The following GRM4 variants were observed in gnomAD, a reference collection of about 807,000 sequenced individuals.
GRM4 encodes the protein glutamate metabotropic receptor 4.
GRM4 carries 28 observed loss-of-function variants against 81.7 expected under a neutral mutation model. The observed-to-expected ratio is 0.34, with a 90% CI of 0.25 to 0.47. The LOEUF is 0.47. GRM4 is among the 20% of genes least tolerant of loss of function. GRM4 has a pLI of 1.00. For synonymous variants in GRM4, 488 were observed against 528.8 expected (o/e 0.92, Z 1.06); for missense variants, 948 against 1,290.0 (o/e 0.73, Z 4.06).
Position 34,090,495 on chromosome 6 carries a change from C to T in GRM4, c.736+1388G>A, listed in dbSNP as rs964120366. On this transcript the variant is annotated intron_variant, in intron 3 of 10. Coordinates refer to ENST00000538487, the MANE Select transcript of GRM4 (RefSeq NM_000841.4). The surrounding 1 kb of genome is among the most constrained non-coding windows in gnomAD (Gnocchi z 5.2). Reference sequence around the variant, plus strand: ...GGGGCTCGGAGGCTCTGACACTGTCCGCCAGGGTTCCCAGGTGCTATTGCC... The same window carrying T: ...GGGGCTCGGAGGCTCTGACACTGTCTGCCAGGGTTCCCAGGTGCTATTGCC... Among the ~76,000 whole-genome samples, 28 of 152,146 alleles carry T rather than the reference C, an allele frequency of 1.8e-4. No individual in the cohort carries two copies. Among genetic ancestry groups the T allele is most frequent in the Non-Finnish European group, 1.6e-4 (11 of 67,974 alleles).
At chr6:34,108,945 A>G (rs1221628136) in intron 2 of GRM4, among the ~76,000 whole-genome samples, 1 of 151,976 alleles carries the variant, frequency 6.6e-6, no homozygotes, top group Non-Finnish European at 1.5e-5. Flanking sequence ...CAGGGGACCC[A>G]CCTGTGATAG....
In GRM4 at chr6:34,036,021, CG is replaced by C; in HGVS notation, c.2088del (p.Ala697ProfsTer126). The stretch of plus-strand genomic sequence containing the variant: ...CTGAAGGTGATGGCCAGCTGTGAGG[CG>C]GGGCTGATGAAGCGTGGGGCACTGA... ...RSVSAPRFIS[P>X]ASQLAITFSL... On this transcript the variant is annotated frameshift_variant, in exon 9 of 11. Coordinates refer to ENST00000538487, the MANE Select transcript of GRM4 (RefSeq NM_000841.4). LOFTEE classifies it high-confidence loss of function. This position sits in a 1 kb window ranked among gnomAD's most constrained non-coding sequence, Gnocchi z 9.0. 6.2e-7 allele frequency: 1 copy of C among 1,613,990 alleles called. No individual in the cohort carries two copies. The highest frequency in any genetic ancestry group is 8.5e-7 in the Non-Finnish European group (1 of 1,179,946).
intron 3 of GRM4, among the ~76,000 whole-genome samples, chr6:34,066,907 T>C (rs1208719280): frequency 1.3e-5 from 2 of 152,066 alleles, no homozygotes; most frequent in Non-Finnish European, 2.9e-5. Flanking sequence ...CACCAGAGCC[T>C]CCTTGTGTTC....
chr6:34,037,421 T>C (rs1440400995), intron 8 of GRM4, among the ~76,000 whole-genome samples: 1 of 152,220 alleles, frequency 6.6e-6, no homozygotes, highest in Non-Finnish European at 1.5e-5. Flanking sequence ...GGGAGCTGTA[T>C]TCAAAGCGAC....
intron 3 of GRM4, among the ~76,000 whole-genome samples, chr6:34,066,219 G>A (rs756008744): frequency 2.0e-5 from 3 of 152,154 alleles, no homozygotes; most frequent in Non-Finnish European, 2.9e-5. Context: ...ACCCCGGCAC[G>A]TGGGCACAGG....
At position 34,042,532 on chromosome 6, in the gene GRM4, T is replaced by C. The variant is rs1319837543; in HGVS notation, c.1169-1784A>G. On this transcript the variant is annotated intron_variant, in intron 6 of 10. Transcript: ENST00000538487. The surrounding 1 kb of genome is among the most constrained non-coding windows in gnomAD (Gnocchi z 4.2). ...AAGACCACAGCCCTTGCATACAGCA[T>C]GGCCTTCTTCCTCAAGGACAGGACG... Among the ~76,000 whole-genome samples, 1 of 152,170 alleles carries C rather than the reference T, an allele frequency of 6.6e-6. No homozygotes were observed. The highest frequency in any genetic ancestry group is 2.4e-5 in the African/African-American group (1 of 41,430).
In GRM4 at chr6:34,125,802, G is replaced by C. The variant is rs530378693; in HGVS notation, c.519+7176C>G. ...CCCTTCCCAGGCTCTCACCACAGTG[G>C]GGGTTTGGGGGAAAGAGAGACTATC... On this transcript the variant is annotated intron_variant, in intron 2 of 10. Coordinates refer to ENST00000538487, the MANE Select transcript of GRM4 (RefSeq NM_000841.4). Among the ~76,000 whole-genome samples the C allele has an allele frequency of 8.5e-5, 13 of 152,340 alleles. No individual in the cohort carries two copies. In the South Asian group the frequency reaches 2.1e-3, roughly 24 times the overall value.
chr6:34,097,450 TGC>T (rs796389747), intron 2 of GRM4, among the ~76,000 whole-genome samples: 5 of 2,350 alleles, frequency 2.1e-3, no homozygotes, highest in Non-Finnish European at 4.1e-3. Context: ...TGTGTGTGTG[TGC>T]GCGCGCATGT....
intron 1 of GRM4, among the ~76,000 whole-genome samples, chr6:34,144,167 C>T (rs1770819931): frequency 6.6e-6 from 1 of 152,234 alleles, no homozygotes; most frequent in Non-Finnish European, 1.5e-5. Flanking sequence ...ACGTTCGGGC[C>T]TCAGGACTCC....
intron 2 of GRM4, among the ~76,000 whole-genome samples, chr6:34,109,948 T>A (rs2127498637): frequency 6.6e-6 from 1 of 152,156 alleles, no homozygotes; most frequent in East Asian, 1.9e-4. Context: ...CCCAGCAGCC[T>A]GCTGCCCTTC....
At position 34,038,719 on chromosome 6, in the gene GRM4, G is replaced by A. The variant is rs547880709; in HGVS notation, c.1506+1459C>T. ...CCTCAGCTCTGTCTGGGCCTTACAG[G>A]TGAGGAGGACTAAGAGGGCATTGGG... On this transcript the variant is annotated intron_variant, in intron 8 of 10. Transcript: ENST00000538487. Among the ~76,000 whole-genome samples the A allele has an allele frequency of 2.6e-5, 4 of 152,286 alleles. No homozygotes were observed. The South Asian group carries it at 8.3e-4, about 32-fold the overall frequency.
At chr6:34,027,805 C>T (rs1764207297) in intron 10 of GRM4, among the ~76,000 whole-genome samples, 1 of 152,236 alleles carries the variant, frequency 6.6e-6, no homozygotes, top group African/African-American at 2.4e-5. Flanking sequence ...CCAGGCGCCC[C>T]CTGGTGGCCT....
intron 2 of GRM4, among the ~76,000 whole-genome samples, chr6:34,126,536 G>C (rs975864059): frequency 2.0e-5 from 3 of 152,214 alleles, no homozygotes; most frequent in African/African-American, 4.8e-5. Flanking sequence ...CCCTGAGTCA[G>C]TGGGGACCTG....
chr6:34,119,148 C>G (rs996576086), intron 2 of GRM4, among the ~76,000 whole-genome samples: 1 of 152,178 alleles, frequency 6.6e-6, no homozygotes, highest in Non-Finnish European at 1.5e-5. Context: ...GTAATCCCAG[C>G]ACTTTAGGAG....
At chr6:34,145,443 C>T (rs1581743520) in intron 1 of GRM4, among the ~76,000 whole-genome samples, 2 of 152,302 alleles carry the variant, frequency 1.3e-5, no homozygotes, top group Admixed American at 1.3e-4. Flanking sequence ...GGAGCTGGGT[C>T]TGGCCGAGAG....
chr6:34,056,427 T>A, intron 6 of GRM4, 117 bp downstream of exon 6: 1 of 917,464 alleles, frequency 1.1e-6, no homozygotes. Context: ...CAACTGCACG[T>A]CCTGCCACGG....
Position 34,059,022 on chromosome 6 carries a change from C to T in GRM4, c.979G>A (p.Val327Met). ...AGGATCGTGACAGCACCCTCAGCCACCTCCTCCAGGTGCAGCACAGGTGCA... is the reference window on the plus strand; with the variant it reads ...AGGATCGTGACAGCACCCTCAGCCATCTCCTCCAGGTGCAGCACAGGTGCA... Reference protein sequence around the residue: ...KIAPVLHLEEVAEGAVTILPK... With the variant: ...KIAPVLHLEEMAEGAVTILPK... The change falls in exon 5 of 11, where the codon GTG (valine) becomes ATG (methionine). Residue 327 changes from valine (V) to methionine (M), a missense_variant. By Grantham distance (21) the Val-to-Met change is conservative. Transcript: ENST00000538487. This position sits in a 1 kb window ranked among gnomAD's most constrained non-coding sequence, Gnocchi z 5.7. The T allele has an allele frequency of 6.2e-7, 1 of 1,613,774 alleles. No homozygotes were observed. Among genetic ancestry groups the T allele is most frequent in the Non-Finnish European group, 8.5e-7 (1 of 1,179,876 alleles).
chr6:34,103,675 CA>C, intron 2 of GRM4: 1 of 1,535,166 alleles, frequency 6.5e-7, no homozygotes, highest in East Asian at 2.4e-5. Flanking sequence ...AGAGGCCCAG[CA>C]AGGAGCCCCA....
At chr6:34,138,820 C>T (rs905843560) in intron 1 of GRM4, among the ~76,000 whole-genome samples, 4 of 152,184 alleles carry the variant, frequency 2.6e-5, no homozygotes, top group South Asian at 2.1e-4. Flanking sequence ...GAATGAATGA[C>T]GTGATGTGAG....
Sources: gnomAD v4.1 joint callset for allele counts (sites outside exome capture counted in the v4.1 genomes callset) on GRCh38, gnomAD v4.1.1 for gene constraint, Gnocchi (gnomAD v3.1) non-coding constraint, MANE v1.5 for transcripts, NCBI Gene and HGNC (gene_info 2026-07-23, HGNC 2026-07-21) for gene names.